IMPG2: variants seen among roughly 807,000 people sequenced by gnomAD.
The protein encoded by IMPG2 is interphotoreceptor matrix proteoglycan 2.
A neutral mutation model predicts 129.2 loss-of-function variants in IMPG2; 91 were observed. The observed-to-expected ratio is 0.70, with a 90% confidence interval of 0.59 to 0.84. IMPG2 has a LOEUF of 0.84. IMPG2 is among the 40% of genes least tolerant of loss of function. The pLI, the probability that IMPG2 is intolerant of heterozygous loss-of-function variation, is 0.00. For synonymous variants in IMPG2, 510 were observed against 517.7 expected (o/e 0.99, Z 0.20); for missense variants, 1,430 against 1,461.7 (o/e 0.98, Z 0.35).
At chr3:101,240,656 A>C (rs1295880027) in intron 14 of IMPG2, among the ~76,000 whole-genome samples, 1 of 152,222 alleles carries the variant, frequency 6.6e-6, no homozygotes, top group African/African-American at 2.4e-5. Context: ...AAGCAGAAGA[A>C]GAAATCATTC....
Position 101,224,148 on chromosome 3 carries a change from T to C in IMPG2, c.*2821A>G, listed in dbSNP as rs1410469155. Reference sequence around the variant, plus strand: ...TGACAGAGCGAGACTCCATCTCAAATAATAATAGTGATAAAAATGGGACTT... The same window carrying C: ...TGACAGAGCGAGACTCCATCTCAAACAATAATAGTGATAAAAATGGGACTT... On this transcript the variant is annotated 3_prime_UTR_variant, in exon 19 of 19. Transcript: ENST00000193391. The C allele has an allele frequency of 6.6e-6, 1 of 151,922 alleles. No individual in the cohort carries two copies. Among genetic ancestry groups the C allele is most frequent in the Non-Finnish European group, 1.5e-5 (1 of 67,984 alleles). 9.4% of individuals were successfully genotyped at this position (151,922 alleles called of 1,614,324 possible). A position where few individuals can be genotyped will look rare whatever the true frequency, so the allele number is the denominator to read the frequency against.
At chr3:101,242,572 C>T in intron 14 of IMPG2, 116 bp downstream of exon 14, 1 of 793,312 alleles carries the variant, frequency 1.3e-6, no homozygotes, top group African/African-American at 1.7e-5. Context: ...ATTTGTCTGA[C>T]ATAGTACTCT....
At position 101,243,771 on chromosome 3, in the gene IMPG2, G is replaced by C. The variant is rs1706436727; in HGVS notation, c.2560C>G (p.Gln854Glu). The C allele has an allele frequency of 1.2e-6, 2 of 1,613,860 alleles. No individual in the cohort carries two copies. Among genetic ancestry groups the C allele is most frequent in the Non-Finnish European group, 1.7e-6 (2 of 1,179,826 alleles). The stretch of plus-strand genomic sequence containing the variant: ...ACCTTGCCATTTTGCTCTTGGACTT[G>C]CTCAGGCTGATAGTAATCTGTGCCT... ...RIGTDYYQPEQVQEQNGKVGS... is the reference protein window; with the variant it reads ...RIGTDYYQPEEVQEQNGKVGS... The change falls in exon 13 of 19, where the codon CAA (glutamine) becomes GAA (glutamate). Residue 854 changes from glutamine to glutamate, a missense_variant. Physicochemically the swap from Gln to Glu is conservative, Grantham distance 29. Transcript: ENST00000193391.
intron 7 of IMPG2, 56 bp from the exon 8 acceptor site, chr3:101,269,629 G>GA (rs1706758142): frequency 2.0e-6 from 2 of 1,005,738 alleles, no homozygotes; most frequent in Non-Finnish European, 3.1e-6. Flanking sequence ...AAAATATATA[G>GA]AAAATAATGC....
At chr3:101,262,301 C>A (rs1436245878) in intron 9 of IMPG2, among the ~76,000 whole-genome samples, 1 of 151,990 alleles carries the variant, frequency 6.6e-6, no homozygotes, top group South Asian at 2.1e-4. Flanking sequence ...ATAATGAGTA[C>A]ATTTTAAAAG....
At chr3:101,245,712 G>GT (rs1706468318) in intron 12 of IMPG2, 90 bp downstream of exon 12, 10 of 1,208,284 alleles carry the variant, frequency 8.3e-6, no homozygotes, top group Non-Finnish European at 1.1e-5. Context: ...ATGCTACCAT[G>GT]TTTTTTTCAT....
intron 7 of IMPG2, among the ~76,000 whole-genome samples, chr3:101,270,716 C>T (rs1426902668): frequency 6.6e-6 from 1 of 151,992 alleles, no homozygotes; most frequent in Admixed American, 6.6e-5. Flanking sequence ...AGGAGAATGG[C>T]GTGAACCCGG....
intron 3 of IMPG2, among the ~76,000 whole-genome samples, chr3:101,301,531 T>C (rs1306765941): frequency 2.0e-5 from 3 of 152,202 alleles, no homozygotes; most frequent in Non-Finnish European, 2.9e-5. Context: ...TAGCAAACAA[T>C]TCACATTTCA....
intron 14 of IMPG2, among the ~76,000 whole-genome samples, chr3:101,237,555 T>C (rs925596349): frequency 2.0e-5 from 3 of 152,098 alleles, no homozygotes; most frequent in Admixed American, 2.0e-4. Context: ...GCAGCCTCCA[T>C]TGGTGATACC....
chr3:101,224,410 A>G lies in IMPG2; in HGVS notation c.*2559T>C, dbSNP rs1161547021. ...GCTAACTGCATTTTAGTATTTTCAC[A>G]TAAGGTGATAGTCTTGTTGAATATT... On this transcript the variant is annotated 3_prime_UTR_variant, in exon 19 of 19. Transcript: ENST00000193391. 2 of 152,228 alleles carry G rather than the reference A, an allele frequency of 1.3e-5. No homozygotes were observed. Among genetic ancestry groups the G allele is most frequent in the Admixed American group, 6.5e-5 (1 of 15,286 alleles). 9.4% of individuals were successfully genotyped at this position (152,228 alleles called of 1,614,324 possible). A position where few individuals can be genotyped will look rare whatever the true frequency, so the allele number is the denominator to read the frequency against.
At position 101,269,539 on chromosome 3, in the gene IMPG2, T is replaced by A; in HGVS notation, c.863A>T (p.Lys288Met). Reference protein sequence around the residue: ...ENAFTGLPGYKEIRVLEFRSP... With the variant: ...ENAFTGLPGYMEIRVLEFRSP... Reference sequence around the variant, plus strand: ...CCTAAATTCAAGTACACGAATTTCCTTGTAGCCTGGTAACCCAGTAAATGC... The same window carrying A: ...CCTAAATTCAAGTACACGAATTTCCATGTAGCCTGGTAACCCAGTAAATGC... The change falls in exon 8 of 19, where the codon AAG becomes ATG. Residue 288 changes from lysine (K) to methionine (M), a missense_variant. Lys to Met is a moderately conservative substitution (Grantham distance 95). Transcript: ENST00000193391. 1.3e-6 allele frequency: 2 copies of A among 1,595,052 alleles called. No homozygotes were observed. Among genetic ancestry groups the A allele is most frequent in the South Asian group, 2.2e-5 (2 of 90,604 alleles).
At position 101,242,833 on chromosome 3, in the gene IMPG2, A is replaced by C; in HGVS notation, c.2877T>G (p.Ile959Met). 1 of 1,614,086 alleles carries C rather than the reference A, an allele frequency of 6.2e-7. No homozygotes were observed. Among genetic ancestry groups the C allele is most frequent in the Non-Finnish European group, 8.5e-7 (1 of 1,179,968 alleles). The change falls in exon 14 of 19, where the codon ATT (isoleucine) becomes ATG (methionine). Residue 959 changes from isoleucine to methionine, a missense_variant. Physicochemically the swap from Ile to Met is conservative, Grantham distance 10 (BLOSUM62 1). Coordinates refer to ENST00000193391, the MANE Select transcript of IMPG2 (RefSeq NM_016247.4). ...LEILNFRNGS[I>M]VVNSRMKFAN... The stretch of plus-strand genomic sequence containing the variant: ...CAAACTTCATTCGACTGTTCACCAC[A>C]ATGCTGCCATTTCTGAAGTTGAGGA...
chr3:101,241,332 A>T (rs1706404447), intron 14 of IMPG2, among the ~76,000 whole-genome samples: 1 of 152,234 alleles, frequency 6.6e-6, no homozygotes, highest in African/African-American at 2.4e-5. Context: ...GGTGAGCAGG[A>T]GTCAGTAAGA....
At chr3:101,316,585 A>G (rs572939624) in intron 2 of IMPG2, among the ~76,000 whole-genome samples, 1 of 152,242 alleles carries the variant, frequency 6.6e-6, no homozygotes, top group South Asian at 2.1e-4. Context: ...TGGAATGGCT[A>G]AAGTTAAAAA....
chr3:101,292,602 C>T (rs573289667), intron 3 of IMPG2, among the ~76,000 whole-genome samples: 14 of 152,252 alleles, frequency 9.2e-5, no homozygotes, highest in South Asian at 8.3e-4. Context: ...ATGATGGCTG[C>T]TGATGATTGA....
chr3:101,280,712 G>A (rs1357268506), intron 4 of IMPG2, among the ~76,000 whole-genome samples: 9 of 152,182 alleles, frequency 5.9e-5, no homozygotes, highest in East Asian at 1.9e-4. Flanking sequence ...TTGGGAGGCC[G>A]AGGTGGACGG....
intron 9 of IMPG2, among the ~76,000 whole-genome samples, chr3:101,259,566 T>C (rs556118371): frequency 6.6e-6 from 1 of 150,772 alleles, no homozygotes; most frequent in East Asian, 1.9e-4. Flanking sequence ...CAGTGCCTAC[T>C]AGATGAACAG....
intron 10 of IMPG2, 115 bp downstream of exon 10, chr3:101,257,414 G>A (rs1396306682): frequency 8.6e-6 from 11 of 1,273,796 alleles, no homozygotes; most frequent in Non-Finnish European, 1.2e-5. Context: ...GTTGGCTCCT[G>A]TCTCATAAAG....
chr3:101,242,748 T>C lies in IMPG2; in HGVS notation c.2962A>G (p.Thr988Ala), dbSNP rs774299447. Residue 988 changes from threonine to alanine, a missense_variant, in exon 14 of 19, where the codon ACC becomes GCC. Transcript: ENST00000193391. ...AAGTTCATGGTATTGTAGGCAGTGGTACAAAAGTCTTCCAGAATCATGTAC... is the reference window on the plus strand; with the variant it reads ...AAGTTCATGGTATTGTAGGCAGTGGCACAAAAGTCTTCCAGAATCATGTAC... ...AVYMILEDFC[T>A]TAYNTMNLAI... is the part of the protein sequence containing the mutation. 3.7e-6 allele frequency: 6 copies of C among 1,614,038 alleles called. No homozygotes were observed. Among genetic ancestry groups the C allele is most frequent in the Middle Eastern group, 1.6e-4 (1 of 6,062 alleles).
Sources: allele counts gnomAD v4.1 joint callset (sites outside exome capture counted in the v4.1 genomes callset), GRCh38; gene constraint gnomAD v4.1.1; transcripts MANE v1.5; gene names NCBI Gene and HGNC (gene_info 2026-07-23, HGNC 2026-07-21).